CTNNA2: variants seen among roughly 807,000 people sequenced by gnomAD.
CTNNA2 encodes the protein catenin alpha 2, also known as catenin alpha-2.
Under a neutral mutation model 101.0 loss-of-function variants are expected in CTNNA2, and 42 were observed. The ratio of observed to expected loss-of-function variants is 0.42; its 90% confidence interval spans 0.32 to 0.54. The LOEUF (loss-of-function observed/expected upper bound fraction) is 0.54. Ranked by LOEUF, CTNNA2 falls within the 20% of genes least tolerant of loss-of-function variation. The pLI is 0.14. For synonymous variants in CTNNA2, 450 were observed against 456.4 expected (o/e 0.99, Z 0.18); for missense variants, 871 against 1,223.1 (o/e 0.71, Z 4.29).
At chr2:79,931,049 C>T (rs967894397) in intron 7 of CTNNA2, among the ~76,000 whole-genome samples, 35 of 152,166 alleles carry the variant, frequency 2.3e-4, no homozygotes, top group African/African-American at 8.2e-4. Context: ...TTTGATTAGA[C>T]AATTTTTAAA....
At chr2:80,196,336 C>T (rs2149006901) in intron 7 of CTNNA2, among the ~76,000 whole-genome samples, 1 of 152,248 alleles carries the variant, frequency 6.6e-6, no homozygotes, top group South Asian at 2.1e-4. Context: ...CATTGCCAGC[C>T]ATCATTTCAG....
chr2:79,440,676 T>A (rs555520455), intron 4 of CTNNA2, among the ~76,000 whole-genome samples: 1 of 152,194 alleles, frequency 6.6e-6, no homozygotes, highest in Admixed American at 6.5e-5. Flanking sequence ...CATTAACCCA[T>A]CTTGAGTTCT....
At chr2:79,287,157 C>G (rs1243270188) in intron 2 of CTNNA2, among the ~76,000 whole-genome samples, 2 of 152,142 alleles carry the variant, frequency 1.3e-5, no homozygotes, top group Non-Finnish European at 2.9e-5. Flanking sequence ...ATACATTCTT[C>G]TAAATTTTTT....
At chr2:79,258,914 G>T (rs182567518) in intron 2 of CTNNA2, among the ~76,000 whole-genome samples, 3 of 149,242 alleles carry the variant, frequency 2.0e-5, no homozygotes, top group Non-Finnish European at 4.4e-5. Flanking sequence ...CATGCAGTGA[G>T]TTTCAGTTTT....
intron 1 of CTNNA2, among the ~76,000 whole-genome samples, chr2:79,565,101 T>C (rs2104162375): frequency 6.6e-6 from 1 of 152,210 alleles, no homozygotes; most frequent in African/African-American, 2.4e-5. Context: ...GATTTACATT[T>C]TAATTTTGGA....
At chr2:79,494,697 G>T (rs1410132740) in intron 4 of CTNNA2, among the ~76,000 whole-genome samples, 1 of 152,006 alleles carries the variant, frequency 6.6e-6, no homozygotes, top group Non-Finnish European at 1.5e-5. Flanking sequence ...AAATTATAAA[G>T]TTATTAGACA....
At chr2:80,300,078 T>C (rs1483867477) in intron 7 of CTNNA2, among the ~76,000 whole-genome samples, 1 of 152,150 alleles carries the variant, frequency 6.6e-6, no homozygotes, top group Non-Finnish European at 1.5e-5. Context: ...TGGAGTGGTA[T>C]GCTATTTAGA....
chr2:79,491,920 TG>T (rs903327059), intron 4 of CTNNA2, among the ~76,000 whole-genome samples: 10 of 152,186 alleles, frequency 6.6e-5, no homozygotes, highest in African/African-American at 2.4e-4. Context: ...TAAGGACATC[TG>T]GGAACTGTAG....
intron 7 of CTNNA2, among the ~76,000 whole-genome samples, chr2:79,989,483 A>C (rs972483164): frequency 1.3e-5 from 2 of 151,978 alleles, no homozygotes; most frequent in Non-Finnish European, 2.9e-5. Flanking sequence ...ACAAACAAAA[A>C]AATTATCTGG....
At chr2:79,428,211 C>T (rs552696731) in intron 4 of CTNNA2, among the ~76,000 whole-genome samples, 1 of 151,900 alleles carries the variant, frequency 6.6e-6, no homozygotes, top group African/African-American at 2.4e-5. Flanking sequence ...GTTCCTTGAT[C>T]CATGTTTTCA....
At chr2:79,873,737 A>AC (rs1682771432) in intron 5 of CTNNA2, among the ~76,000 whole-genome samples, 1 of 145,748 alleles carries the variant, frequency 6.9e-6, no homozygotes. Flanking sequence ...CACTTCCACA[A>AC]CTTTTTTTTT....
At chr2:79,365,873 T>C (rs956534096) in intron 3 of CTNNA2, among the ~76,000 whole-genome samples, 195 of 152,296 alleles carry the variant, frequency 1.3e-3, no homozygotes, top group African/African-American at 4.4e-3. Context: ...TAACGGTCAC[T>C]GTAACTCACA....
chr2:79,783,896 A>C (rs1228572958), intron 3 of CTNNA2, among the ~76,000 whole-genome samples: 3 of 152,222 alleles, frequency 2.0e-5, no homozygotes, highest in Non-Finnish European at 4.4e-5. Context: ...TAATTCATTC[A>C]ACATTTATTG....
rs116645992 is a variant in CTNNA2, at chr2:80,276,392, A to G, written c.1057-116819A>G. Among the ~76,000 whole-genome samples, 1,278 of 152,224 alleles carry G rather than the reference A, an allele frequency of 8.4e-3. 25 individuals carry two copies. The highest frequency in any genetic ancestry group is 0.029 in the African/African-American group (1,201 of 41,548). ...TTCCAAGCTGCTTCATCTCTACCTC[A>G]ATAGTATGGACTGTAACCCAGTTCT... is the stretch of plus-strand genomic sequence containing the variant. On this transcript the variant is annotated intron_variant, in intron 7 of 18. Coordinates refer to ENST00000402739, the MANE Select transcript of CTNNA2 (RefSeq NM_001282597.3).
intron 7 of CTNNA2, among the ~76,000 whole-genome samples, chr2:80,312,211 A>G (rs527237042): frequency 5.2e-5 from 8 of 152,398 alleles, no homozygotes; most frequent in Non-Finnish European, 7.3e-5. Flanking sequence ...ACACCTGGAC[A>G]GAGGAGGGGC....
chr2:79,309,513 T>C (rs756545245), intron 2 of CTNNA2, among the ~76,000 whole-genome samples: 77 of 152,262 alleles, frequency 5.1e-4, no homozygotes, highest in Non-Finnish European at 9.3e-4. Context: ...AGCAGATTGA[T>C]TATTTCAAAG....
At chr2:79,207,595 T>G (rs931904086) in intron 2 of CTNNA2, among the ~76,000 whole-genome samples, 3 of 152,166 alleles carry the variant, frequency 2.0e-5, no homozygotes, top group African/African-American at 4.8e-5. Flanking sequence ...GGCAGTGAAC[T>G]ACGTACCAAC....
chr2:79,991,326 A>G (rs1692162529), intron 7 of CTNNA2, among the ~76,000 whole-genome samples: 1 of 152,184 alleles, frequency 6.6e-6, no homozygotes, highest in South Asian at 2.1e-4. Flanking sequence ...AAGTATTCAG[A>G]TAAATTTCTG....
chr2:79,598,406 G>A (rs906801696), intron 1 of CTNNA2, among the ~76,000 whole-genome samples: 11 of 152,220 alleles, frequency 7.2e-5, no homozygotes, highest in Non-Finnish European at 1.5e-4. Context: ...CAAAGTGGCT[G>A]TATGATTTCG....
Sources: gnomAD v4.1 joint callset for allele counts (sites outside exome capture counted in the v4.1 genomes callset) on GRCh38, gnomAD v4.1.1 for gene constraint, MANE v1.5 for transcripts, NCBI Gene and HGNC (gene_info 2026-07-23, HGNC 2026-07-21) for gene names.